The following OR4K2 variants were observed in gnomAD, a reference collection of about 807,000 sequenced individuals.
The protein encoded by OR4K2 is olfactory receptor family 4 subfamily K member 2.
A neutral mutation model predicts 10.5 loss-of-function variants in OR4K2; 8 were observed. The observed-to-expected ratio is 0.76, with a 90% CI of 0.45 to 1.37. The LOEUF (loss-of-function observed/expected upper bound fraction) is 1.37. Among genes scored for constraint, OR4K2 ranks in the 40% most tolerant of loss-of-function variants. OR4K2 has a pLI of 0.00. For synonymous variants in OR4K2, 178 were observed against 133.6 expected, an observed-to-expected ratio of 1.33 and a Z score of -2.29; for missense variants, 547 against 379.5, an observed-to-expected ratio of 1.44 and a Z score of -3.67.
chr14:19,876,843 T>G lies in OR4K2; in HGVS notation c.576T>G (p.Thr192=), dbSNP rs757851668. 1 of 1,614,080 alleles carries G rather than the reference T, an allele frequency of 6.2e-7. No individual in the cohort carries two copies. The highest frequency in any genetic ancestry group is 1.3e-5 in the African/African-American group (1 of 74,942). The part of the protein sequence containing the change: ...PVVFQLACVD[T]YVLGLFMIST... ...TGTTCCAGTTGGCTTGTGTGGATACTTATGTTCTGGGCCTCTTTATGATCT... is the reference window on the plus strand; with the variant it reads ...TGTTCCAGTTGGCTTGTGTGGATACGTATGTTCTGGGCCTCTTTATGATCT... Residue 192 remains threonine, a synonymous_variant, in exon 2 of 2, where the codon ACT becomes ACG. Transcript: ENST00000641885.
In OR4K2 at chr14:19,880,251, T is replaced by C. The variant is rs999828514; in HGVS notation, c.*3039T>C. 2 of 152,222 alleles carry C rather than the reference T, an allele frequency of 1.3e-5. No individual in the cohort carries two copies. Among genetic ancestry groups the C allele is most frequent in the African/African-American group, 4.8e-5 (2 of 41,426 alleles). 9.4% of individuals were successfully genotyped at this position (152,222 alleles called of 1,614,324 possible). The stretch of plus-strand genomic sequence containing the variant: ...TAGACTCTGGTATCTTTTTTTTTTT[T>C]AAACAGTGTTTAATACTACTTCTAC... On this transcript the variant is annotated 3_prime_UTR_variant, in exon 2 of 2. Coordinates refer to ENST00000641885, the MANE Select transcript of OR4K2 (RefSeq NM_001005501.2).
chr14:19,876,234 TCGTGA>T lies in OR4K2; in HGVS notation c.-23-10_-23-6del. 1.1e-5 allele frequency: 9 copies of T among 813,742 alleles called. No homozygotes were observed. The highest frequency in any genetic ancestry group is 6.6e-5 in the South Asian group (2 of 30,402). 50.4% of individuals were successfully genotyped at this position (813,742 alleles called of 1,614,324 possible). ...CTTTCCTTTTTTTTTTTTTTTTTTTTCGTGATACAGGCTTCTGCCTATGAATCAAG... is the reference window on the plus strand; with the variant it reads ...CTTTCCTTTTTTTTTTTTTTTTTTTTTACAGGCTTCTGCCTATGAATCAAG... On this transcript the variant is annotated splice_polypyrimidine_tract_variant and splice_region_variant and intron_variant, in intron 1 of 1. Coordinates refer to ENST00000641885, the MANE Select transcript of OR4K2 (RefSeq NM_001005501.2).
At position 19,879,611 on chromosome 14, in the gene OR4K2, C is replaced by T. The variant is rs982358839; in HGVS notation, c.*2399C>T. On this transcript the variant is annotated 3_prime_UTR_variant, in exon 2 of 2. Coordinates refer to ENST00000641885, the MANE Select transcript of OR4K2 (RefSeq NM_001005501.2). ...TCTACGTGTTTAGGAAGCTGTGAAGCTTGACAACAATTGAATGCAGATGGA... is the reference window on the plus strand; with the variant it reads ...TCTACGTGTTTAGGAAGCTGTGAAGTTTGACAACAATTGAATGCAGATGGA... The T allele has an allele frequency of 6.6e-6, 1 of 152,208 alleles. No individual in the cohort carries two copies. Among genetic ancestry groups the T allele is most frequent in the Non-Finnish European group, 1.5e-5 (1 of 68,030 alleles). The allele number at this position is 152,208 out of a possible 1,614,324, so 9.4% of individuals were successfully genotyped here.
rs1185798888 is a variant in OR4K2 at position 19,876,717 on chromosome 14, T to C, written c.450T>C (p.Ile150=). Reference sequence around the variant, plus strand: ...TTGCTCTCGTGGTGGCTTCCTGGATTATGGGAGTTATGCATTCAATGAGTC... The same window carrying C: ...TTGCTCTCGTGGTGGCTTCCTGGATCATGGGAGTTATGCATTCAATGAGTC... The part of the protein sequence containing the change: ...VCVALVVASW[I]MGVMHSMSQV... The change falls in exon 2 of 2, where the codon ATT becomes ATC. Residue 150 remains isoleucine, a synonymous_variant. Coordinates refer to ENST00000641885, the MANE Select transcript of OR4K2 (RefSeq NM_001005501.2). 3 of 1,614,172 alleles carry C rather than the reference T, an allele frequency of 1.9e-6. No homozygotes were observed. Among genetic ancestry groups the C allele is most frequent in the Admixed American group, 3.3e-5 (2 of 60,012 alleles).
chr14:19,876,581 A>T lies in OR4K2; in HGVS notation c.314A>T (p.His105Leu). ...DGCLTQIFFL[H>L]LFTGTEIILL... Reference sequence around the variant, plus strand: ...TGCCTTACCCAGATATTCTTTCTCCACCTTTTCACTGGAACTGAGATCATC... The same window carrying T: ...TGCCTTACCCAGATATTCTTTCTCCTCCTTTTCACTGGAACTGAGATCATC... The change falls in exon 2 of 2, where the codon CAC becomes CTC. Residue 105 changes from histidine (H) to leucine (L), a missense_variant. Coordinates refer to ENST00000641885, the MANE Select transcript of OR4K2 (RefSeq NM_001005501.2). The T allele has an allele frequency of 3.7e-6, 6 of 1,614,058 alleles. No homozygotes were observed. The highest frequency in any genetic ancestry group is 5.1e-6 in the Non-Finnish European group (6 of 1,179,998).
chr14:19,877,269 G>C lies in OR4K2; in HGVS notation c.*57G>C. 1.6e-6 allele frequency: 2 copies of C among 1,246,252 alleles called. No individual in the cohort carries two copies. Among genetic ancestry groups the C allele is most frequent in the Non-Finnish European group, 2.2e-6 (2 of 903,104 alleles). The allele number at this position is 1,246,252 out of a possible 1,614,324, so 77.2% of individuals were successfully genotyped here. A position where few individuals can be genotyped will look rare whatever the true frequency, so the allele number is the denominator to read the frequency against. ...TGTGTTAGGCTTTTCTTTCTAGAGG[G>C]TTCTTACCAAATTGTAATTGCCAAG... On this transcript the variant is annotated 3_prime_UTR_variant, in exon 2 of 2. Coordinates refer to ENST00000641885, the MANE Select transcript of OR4K2 (RefSeq NM_001005501.2).
In OR4K2 at chr14:19,883,805, A is replaced by G. The variant is rs1362972031; in HGVS notation, c.*6593A>G. On this transcript the variant is annotated 3_prime_UTR_variant, in exon 2 of 2. Coordinates refer to ENST00000641885, the MANE Select transcript of OR4K2 (RefSeq NM_001005501.2). ...TATAACTTTTCCAATTTTTTAAAGA[A>G]AGATACCTCTCTTGCAGCTCAATTG... is the stretch of plus-strand genomic sequence containing the variant. The G allele has an allele frequency of 6.6e-6, 1 of 152,240 alleles. No homozygotes were observed. Among genetic ancestry groups the G allele is most frequent in the Admixed American group, 6.5e-5 (1 of 15,288 alleles). 9.4% of individuals were successfully genotyped at this position (152,240 alleles called of 1,614,324 possible).
Position 19,880,070 on chromosome 14 carries a change from T to G in OR4K2, c.*2858T>G, listed in dbSNP as rs1381085598. On this transcript the variant is annotated 3_prime_UTR_variant, in exon 2 of 2. Coordinates refer to ENST00000641885, the MANE Select transcript of OR4K2 (RefSeq NM_001005501.2). ...TTATAAGATTTTCTTGTGATTTTTT[T>G]GTAAAGCTCATCAGCTATCTTTAGT... 1 of 152,770 alleles carries G rather than the reference T, an allele frequency of 6.5e-6. No homozygotes were observed. The highest frequency in any genetic ancestry group is 1.5e-5 in the Non-Finnish European group (1 of 68,056). The allele number at this position is 152,770 out of a possible 1,614,324, so 9.5% of individuals were successfully genotyped here. A position where few individuals can be genotyped will look rare whatever the true frequency, so the allele number is the denominator to read the frequency against.
rs1158076858 is a variant in OR4K2, at chr14:19,876,806, A to G, written c.539A>G (p.Asp180Gly). 1.2e-6 allele frequency: 2 copies of G among 1,614,036 alleles called. No homozygotes were observed. The highest frequency in any genetic ancestry group is 1.3e-5 in the African/African-American group (1 of 74,912). The change falls in exon 2 of 2, where the codon GAC (aspartate) becomes GGC (glycine). Residue 180 changes from aspartate (D) to glycine (G), a missense_variant. Coordinates refer to ENST00000641885, the MANE Select transcript of OR4K2 (RefSeq NM_001005501.2). ...GPYEVDSFFC[D>G]LPVVFQLACV... is the part of the protein sequence containing the mutation. Reference sequence around the variant, plus strand: ...TATGAGGTAGACAGCTTTTTCTGTGACCTTCCTGTGGTGTTCCAGTTGGCT... The same window carrying G: ...TATGAGGTAGACAGCTTTTTCTGTGGCCTTCCTGTGGTGTTCCAGTTGGCT...
rs1205258518 is a variant in OR4K2, at chr14:19,877,832, G to C, written c.*620G>C. On this transcript the variant is annotated 3_prime_UTR_variant, in exon 2 of 2. Transcript: ENST00000641885. ...TTTAGTTCATCATCAAAGCAATACA[G>C]TCATGATATTTCTTTCTGATAATGC... The C allele has an allele frequency of 6.6e-6, 1 of 152,428 alleles. No individual in the cohort carries two copies. Among genetic ancestry groups the C allele is most frequent in the Non-Finnish European group, 1.5e-5 (1 of 68,194 alleles). The allele number at this position is 152,428 out of a possible 1,614,324, so 9.4% of individuals were successfully genotyped here.
rs374716082 is a variant in OR4K2 at position 19,876,700 on chromosome 14, G to T, written c.433G>T (p.Val145Leu). ...TAGTCCCCAGGTGTGTGTTGCTCTC[G>T]TGGTGGCTTCCTGGATTATGGGAGT... ...VISPQVCVAL[V>L]VASWIMGVMH... is the part of the protein sequence containing the mutation. Residue 145 changes from valine (V) to leucine (L), a missense_variant, in exon 2 of 2, where the codon GTG becomes TTG. Coordinates refer to ENST00000641885, the MANE Select transcript of OR4K2 (RefSeq NM_001005501.2). 7 of 1,614,124 alleles carry T rather than the reference G, an allele frequency of 4.3e-6. No homozygotes were observed. In the South Asian group the frequency reaches 4.4e-5, roughly 10 times the overall value.
At position 19,877,172 on chromosome 14, in the gene OR4K2, A is replaced by AAAAT. The variant is rs775937895; in HGVS notation, c.907_910dup (p.Arg304LysfsTer2). On this transcript the variant is annotated frameshift_variant, in exon 2 of 2. Transcript: ENST00000641885. LOFTEE classifies it high-confidence loss of function. ...GTAAAGATAGCCATGAGGAAACTGA[A>AAAAT]AAATAGGTTTCTAAATTTTAATAAG... 6.3e-7 allele frequency: 1 copy of AAAAT among 1,597,866 alleles called. No homozygotes were observed. Among genetic ancestry groups the AAAAT allele is most frequent in the African/African-American group, 1.3e-5 (1 of 74,672 alleles).
In OR4K2 at chr14:19,876,214, C is replaced by CTT. The variant is rs35601631; in HGVS notation, c.-23-12_-23-11dup. The CTT allele has an allele frequency of 1.0e-2, 6,378 of 639,308 alleles. 31 individuals are homozygous for CTT. Among genetic ancestry groups the CTT allele is most frequent in the Non-Finnish European group, 0.012 (4,800 of 400,564 alleles). The allele number at this position is 639,308 out of a possible 1,614,324, so 39.6% of individuals were successfully genotyped here. A position where few individuals can be genotyped will look rare whatever the true frequency, so the allele number is the denominator to read the frequency against. On this transcript the variant is annotated intron_variant, in intron 1 of 1. Coordinates refer to ENST00000641885, the MANE Select transcript of OR4K2 (RefSeq NM_001005501.2). ...TTTGCTTCTATTGAATCTGACTTTCCTTTTTTTTTTTTTTTTTTTTCGTGA... is the reference window on the plus strand; with the variant it reads ...TTTGCTTCTATTGAATCTGACTTTCCTTTTTTTTTTTTTTTTTTTTTTCGTGA...
In OR4K2 at chr14:19,881,867, GT is replaced by G. The variant is rs1220921374; in HGVS notation, c.*4660del. On this transcript the variant is annotated 3_prime_UTR_variant, in exon 2 of 2. Transcript: ENST00000641885. ...GAAATAGCAATTTAATTAGTAATTT[GT>G]TTTTATATAATAATATATTTATATC... 9.9e-5 allele frequency: 15 copies of G among 151,466 alleles called. No homozygotes were observed. Among genetic ancestry groups the G allele is most frequent in the Admixed American group, 6.6e-4 (10 of 15,230 alleles). The allele number at this position is 151,466 out of a possible 1,614,324, so 9.4% of individuals were successfully genotyped here.
Position 19,876,490 on chromosome 14 carries a change from TC to T in OR4K2, c.224del (p.Ser75PhefsTer7). On this transcript the variant is annotated frameshift_variant, in exon 2 of 2. Transcript: ENST00000641885. LOFTEE classifies it high-confidence loss of function. The stretch of plus-strand genomic sequence containing the variant: ...TTCAATCATTGATATGTCTCTTGCT[TC>T]TTTCGCCACCCCAAAGATGATTACA... ...NLSIIDMSLA[S>X]FATPKMITDY... 2 of 1,614,194 alleles carry T rather than the reference TC, an allele frequency of 1.2e-6. No individual in the cohort carries two copies. The highest frequency in any genetic ancestry group is 1.7e-6 in the Non-Finnish European group (2 of 1,180,010).
rs1469017382 is a variant in OR4K2 at position 19,881,641 on chromosome 14, G to C, written c.*4429G>C. 1 of 151,906 alleles carries C rather than the reference G, an allele frequency of 6.6e-6. No individual in the cohort carries two copies. The highest frequency in any genetic ancestry group is 1.5e-5 in the Non-Finnish European group (1 of 68,008). 9.4% of individuals were successfully genotyped at this position (151,906 alleles called of 1,614,324 possible). A position where few individuals can be genotyped will look rare whatever the true frequency, so the allele number is the denominator to read the frequency against. On this transcript the variant is annotated 3_prime_UTR_variant, in exon 2 of 2. Coordinates refer to ENST00000641885, the MANE Select transcript of OR4K2 (RefSeq NM_001005501.2). Reference sequence around the variant, plus strand: ...TAAATTAAAAAATGTTCTCGGGCTGGAGGCTCCAGGTTTTTTTCCCCCATT... The same window carrying C: ...TAAATTAAAAAATGTTCTCGGGCTGCAGGCTCCAGGTTTTTTTCCCCCATT...
Position 19,878,557 on chromosome 14 carries a change from C to T in OR4K2, c.*1345C>T, listed in dbSNP as rs962014314. Reference sequence around the variant, plus strand: ...AAATCCTTAGATGTTCATATTAAACCAAGTTATAAAAGGAATTTATTTTTT... The same window carrying T: ...AAATCCTTAGATGTTCATATTAAACTAAGTTATAAAAGGAATTTATTTTTT... On this transcript the variant is annotated 3_prime_UTR_variant, in exon 2 of 2. Transcript: ENST00000641885. 4.1e-4 allele frequency: 63 copies of T among 152,122 alleles called. No homozygotes were observed. The highest frequency in any genetic ancestry group is 1.4e-3 in the African/African-American group (58 of 41,506). The allele number at this position is 152,122 out of a possible 1,614,324, so 9.4% of individuals were successfully genotyped here. A position where few individuals can be genotyped will look rare whatever the true frequency, so the allele number is the denominator to read the frequency against.
rs1378735059 is a variant in OR4K2 at position 19,879,397 on chromosome 14, C to T, written c.*2185C>T. 5 of 152,196 alleles carry T rather than the reference C, an allele frequency of 3.3e-5. No homozygotes were observed. The highest frequency in any genetic ancestry group is 6.5e-5 in the Admixed American group (1 of 15,270). 9.4% of individuals were successfully genotyped at this position (152,196 alleles called of 1,614,324 possible). On this transcript the variant is annotated 3_prime_UTR_variant, in exon 2 of 2. Transcript: ENST00000641885. ...AACTGCAGTGACATGGCCATGGACT[C>T]GTTAAGCAATAGTAAGGATGGTGCC...
In OR4K2 at chr14:19,876,981, T is replaced by C; in HGVS notation, c.714T>C (p.Ser238=). ...CCAGAGGATCATCTAAGGCCCTTTC[T>C]ACTTGTACAGCTCATTTCATTGTTG... is the stretch of plus-strand genomic sequence containing the variant. ...HSSRGSSKAL[S]TCTAHFIVVF... The change falls in exon 2 of 2, where the codon TCT becomes TCC. Residue 238 remains serine, a synonymous_variant. Coordinates refer to ENST00000641885, the MANE Select transcript of OR4K2 (RefSeq NM_001005501.2). The C allele has an allele frequency of 1.9e-6, 3 of 1,614,042 alleles. No individual in the cohort carries two copies. The highest frequency in any genetic ancestry group is 2.5e-6 in the Non-Finnish European group (3 of 1,179,970).
Sources: allele counts gnomAD v4.1 joint callset, GRCh38; gene constraint gnomAD v4.1.1; transcripts MANE v1.5; gene names NCBI Gene and HGNC (gene_info 2026-07-23, HGNC 2026-07-21).